NOL4: variants seen among roughly 807,000 people sequenced by gnomAD.
NOL4 encodes the protein cancer/testis antigen 125.
In NOL4, 17 loss-of-function variants were observed where a neutral mutation model predicts 75.9. The observed-to-expected ratio is 0.22, with a 90% CI of 0.15 to 0.34. The LOEUF is 0.34. Among genes scored for constraint, NOL4 ranks in the 10% least tolerant of loss-of-function variants. The pLI, the probability that NOL4 is intolerant of heterozygous loss-of-function variation, is 1.00. For synonymous variants in NOL4, 292 were observed against 289.9 expected, an observed-to-expected ratio of 1.01 and a Z score of -0.07; for missense variants, 614 against 793.5, an observed-to-expected ratio of 0.77 and a Z score of 2.72.
chr18:34,185,186 T>C (rs146522652), intron 1 of NOL4, among the ~76,000 whole-genome samples: 1 of 152,264 alleles, frequency 6.6e-6, no homozygotes, highest in East Asian at 1.9e-4. Flanking sequence ...AAACTGTCAA[T>C]TGTGAAGGAG....
intron 9 of NOL4, among the ~76,000 whole-genome samples, chr18:33,906,494 G>T (rs1006285530): frequency 1.3e-5 from 2 of 152,158 alleles, no homozygotes; most frequent in African/African-American, 4.8e-5. Context: ...AAAGAGTTTG[G>T]AATCAGATAC....
At chr18:34,009,469 T>C (rs1451750470) in intron 6 of NOL4, among the ~76,000 whole-genome samples, 2 of 152,010 alleles carry the variant, frequency 1.3e-5, no homozygotes, top group African/African-American at 4.8e-5. Flanking sequence ...TTTGCAAGAT[T>C]CAGCTAAACC....
chr18:33,902,649 GTGAGTTCTTTTTTCATCAAGTTTGACTT>G (rs1341940169), intron 9 of NOL4, among the ~76,000 whole-genome samples: 3 of 152,216 alleles, frequency 2.0e-5, no homozygotes, highest in African/African-American at 7.2e-5. Context: ...TTGATGGAAT[GTGAGTTCTTTTTTCATCAAGTTTGACTT>G]TGAGTCCTTT....
chr18:34,215,867 T>A (rs2036852403), intron 1 of NOL4, among the ~76,000 whole-genome samples: 1 of 152,186 alleles, frequency 6.6e-6, no homozygotes, highest in South Asian at 2.1e-4. Context: ...AAAAAGATAG[T>A]CTATTAAGCC....
chr18:33,958,513 C>G (rs1018996136), intron 6 of NOL4, 95 bp from the exon 7 acceptor site: 1 of 1,152,844 alleles, frequency 8.7e-7, no homozygotes, highest in Non-Finnish European at 1.2e-6. Flanking sequence ...TCTCAAAAAT[C>G]TTGTTTATGA....
chr18:33,983,224 T>C (rs1287433550), intron 6 of NOL4, among the ~76,000 whole-genome samples: 1 of 152,040 alleles, frequency 6.6e-6, no homozygotes, highest in African/African-American at 2.4e-5. Context: ...GCACAAAGGA[T>C]TTTAAGATAC....
intron 1 of NOL4, among the ~76,000 whole-genome samples, chr18:34,199,598 G>C (rs931693861): frequency 6.6e-6 from 1 of 151,840 alleles, no homozygotes; most frequent in African/African-American, 2.4e-5. Flanking sequence ...TAAAACTTAT[G>C]CATAACACCA....
chr18:33,883,037 C>T (rs1339811412), intron 10 of NOL4, among the ~76,000 whole-genome samples: 1 of 151,856 alleles, frequency 6.6e-6, no homozygotes, highest in African/African-American at 2.4e-5. Flanking sequence ...AGGGGAATAT[C>T]ACACTCTGGG....
intron 1 of NOL4, among the ~76,000 whole-genome samples, chr18:34,139,329 C>G (rs1027277110): frequency 6.6e-6 from 1 of 152,098 alleles, no homozygotes. Context: ...GGTTGGTAAG[C>G]TATTAATTAT....
rs191601520 is a variant in NOL4, at chr18:34,149,827, G to A, written c.265-19807C>T. Among the ~76,000 whole-genome samples the A allele has an allele frequency of 1.8e-4, 27 of 151,698 alleles. No homozygotes were observed. In the East Asian group the frequency reaches 4.8e-3, roughly 27 times the overall value. On this transcript the variant is annotated intron_variant, in intron 1 of 10. Transcript: ENST00000261592. ...GCTTAGTGATCATTATTTTGAAAAT[G>A]GAATACCTAGAATTGTCCCTGGTAT... is the stretch of plus-strand genomic sequence containing the variant.
intron 6 of NOL4, among the ~76,000 whole-genome samples, chr18:33,973,517 A>C (rs2071241759): frequency 6.6e-6 from 1 of 152,142 alleles, no homozygotes; most frequent in Non-Finnish European, 1.5e-5. Flanking sequence ...GAAGGTTTTC[A>C]ATTTACCTTT....
intron 4 of NOL4, among the ~76,000 whole-genome samples, chr18:34,103,804 T>C (rs1600598347): frequency 6.6e-6 from 1 of 151,944 alleles, no homozygotes; most frequent in South Asian, 2.1e-4. Flanking sequence ...CTAAGGAAAA[T>C]GTAGCTTTCT....
chr18:34,187,303 G>C (rs1328707898), intron 1 of NOL4, among the ~76,000 whole-genome samples: 1 of 150,048 alleles, frequency 6.7e-6, no homozygotes, highest in East Asian at 2.0e-4. Flanking sequence ...TTTCAGATTG[G>C]ATTTTTTCAC....
chr18:33,886,764 G>T, intron 9 of NOL4, among the ~76,000 whole-genome samples: 1 of 137,116 alleles, frequency 7.3e-6, no homozygotes. Context: ...CTCATATATA[G>T]ATATATCTAT....
At chr18:34,149,293 T>C (rs1030273938) in intron 1 of NOL4, among the ~76,000 whole-genome samples, 12 of 151,772 alleles carry the variant, frequency 7.9e-5, no homozygotes, top group African/African-American at 2.4e-4. Flanking sequence ...CATGAGTATA[T>C]TGGAAAGAAA....
chr18:34,208,187 C>T (rs1343769442), intron 1 of NOL4, among the ~76,000 whole-genome samples: 2 of 152,168 alleles, frequency 1.3e-5, no homozygotes, highest in African/African-American at 4.8e-5. Context: ...CATCCATCCT[C>T]ATTTACCCTG....
At chr18:34,222,707 G>C (rs1052374037) in intron 1 of NOL4, among the ~76,000 whole-genome samples, 1 of 151,284 alleles carries the variant, frequency 6.6e-6, no homozygotes, top group Non-Finnish European at 1.5e-5. Context: ...GCCCGACCCG[G>C]GGAAGGAAGC....
chr18:33,936,927 A>G (rs2068096484), intron 9 of NOL4, among the ~76,000 whole-genome samples: 1 of 152,044 alleles, frequency 6.6e-6, no homozygotes, highest in South Asian at 2.1e-4. Context: ...CTTCAAATGA[A>G]ATGTAACCAA....
chr18:34,019,656 T>G, intron 5 of NOL4, 55 bp from the exon 6 acceptor site: 2 of 1,485,584 alleles, frequency 1.3e-6, no homozygotes, highest in South Asian at 2.5e-5. Flanking sequence ...ATTCAGAGTC[T>G]ACTTCAACTA....
Sources: gnomAD v4.1 joint callset for allele counts (sites outside exome capture counted in the v4.1 genomes callset) on GRCh38, gnomAD v4.1.1 for gene constraint, MANE v1.5 for transcripts, NCBI Gene and HGNC (gene_info 2026-07-23, HGNC 2026-07-21) for gene names.